Variants in TCAF1 observed in about 807,000 individuals in gnomAD.
TCAF1 encodes the protein TRPM8 channel associated factor 1, also known as TRPM8 channel-associated factor 1.
A neutral mutation model predicts 27.3 loss-of-function variants in TCAF1; 4 were observed. The ratio of observed to expected loss-of-function variants is 0.15; its 90% confidence interval spans 0.07 to 0.34. The LOEUF (loss-of-function observed/expected upper bound fraction) is 0.34, where lower values mean the gene tolerates loss of function less well. TCAF1 is among the 10% of genes least tolerant of loss of function. The pLI, the probability that TCAF1 is intolerant of heterozygous loss-of-function variation, is 1.00. For missense variants in TCAF1, 257 were observed against 425.8 expected, an observed-to-expected ratio of 0.60 and a Z score of 3.49; for synonymous variants, 105 against 167.1, an observed-to-expected ratio of 0.63 and a Z score of 2.87.
At chr7:143,892,832 T>C (rs1337955460) in intron 1 of TCAF1, among the ~76,000 whole-genome samples, 2 of 152,126 alleles carry the variant, frequency 1.3e-5, no homozygotes. Flanking sequence ...CTCTTGGCCA[T>C]GTGAAAATAC....
chr7:143,897,580 G>T (rs950359808), intron 1 of TCAF1, among the ~76,000 whole-genome samples: 1 of 151,870 alleles, frequency 6.6e-6, no homozygotes, highest in South Asian at 2.1e-4. Context: ...CTGCTCCATT[G>T]TTCAATGGTC....
At chr7:143,892,642 A>C (rs1813695952) in intron 1 of TCAF1, among the ~76,000 whole-genome samples, 3 of 151,030 alleles carry the variant, frequency 2.0e-5, no homozygotes, top group Admixed American at 2.0e-4. Flanking sequence ...TAAACCCAAT[A>C]TTTATAGATT....
chr7:143,896,455 T>A (rs904814523), intron 1 of TCAF1, among the ~76,000 whole-genome samples: 1 of 152,078 alleles, frequency 6.6e-6, no homozygotes, highest in African/African-American at 2.4e-5. Context: ...GTTAAAGATA[T>A]GTAAGATTGG....
intron 1 of TCAF1, among the ~76,000 whole-genome samples, chr7:143,877,713 T>C (rs779899251): frequency 6.6e-6 from 1 of 152,236 alleles, no homozygotes; most frequent in Non-Finnish European, 1.5e-5. Flanking sequence ...GGTCAGGTCA[T>C]GCAGGTTGTC....
At chr7:143,860,000 T>C (rs1281702029) in intron 6 of TCAF1, among the ~76,000 whole-genome samples, 1 of 12,450 alleles carries the variant, frequency 8.0e-5, no homozygotes, top group East Asian at 3.4e-3. Flanking sequence ...ATATATTATA[T>C]AATATATATA....
intron 2 of TCAF1, among the ~76,000 whole-genome samples, chr7:143,875,399 A>G (rs1037206361): frequency 2.0e-5 from 3 of 152,114 alleles, no homozygotes; most frequent in African/African-American, 4.8e-5. Context: ...GTACACTCCA[A>G]AAACTTTCAG....
At chr7:143,888,414 A>C (rs1813511732) in intron 1 of TCAF1, among the ~76,000 whole-genome samples, 1 of 152,196 alleles carries the variant, frequency 6.6e-6, no homozygotes, top group African/African-American at 2.4e-5. Flanking sequence ...TAAAAATGAC[A>C]TCCCAGCACA....
At chr7:143,895,739 G>A (rs897497340) in intron 1 of TCAF1, among the ~76,000 whole-genome samples, 5 of 151,478 alleles carry the variant, frequency 3.3e-5, no homozygotes, top group African/African-American at 1.2e-4. Context: ...TACTTGCGGG[G>A]TAAGAGACAA....
chr7:143,876,701 G>A, intron 1 of TCAF1, 79 bp from the exon 2 acceptor site: 3 of 1,152,868 alleles, frequency 2.6e-6, no homozygotes, highest in Non-Finnish European at 3.5e-6. Flanking sequence ...CACTCTTCCA[G>A]TAGCTGGGCT....
In TCAF1 at chr7:143,901,973, C is replaced by T. The variant is rs966226862; in HGVS notation, c.-27G>A. ...CCCGGACACTAACCCGGGGCCCAGG[C>T]CTCGGTCACCGCGGGCCTCTCCTGG... On this transcript the variant is annotated 5_prime_UTR_variant, in exon 1 of 9. Coordinates refer to ENST00000479870, the MANE Select transcript of TCAF1 (RefSeq NM_014719.3). 1 of 152,328 alleles carries T rather than the reference C, an allele frequency of 6.6e-6. No homozygotes were observed. Among genetic ancestry groups the T allele is most frequent in the African/African-American group, 2.4e-5 (1 of 41,448 alleles). The allele number at this position is 152,328 out of a possible 1,614,324, so 9.4% of individuals were successfully genotyped here.
chr7:143,877,156 G>A (rs1013695746), intron 1 of TCAF1, among the ~76,000 whole-genome samples: 9 of 152,162 alleles, frequency 5.9e-5, no homozygotes, highest in East Asian at 1.9e-4. Flanking sequence ...GTGAGAGGCC[G>A]GGAACAGATT....
intron 1 of TCAF1, among the ~76,000 whole-genome samples, chr7:143,894,705 A>G (rs1813793745): frequency 6.6e-6 from 1 of 151,782 alleles, no homozygotes; most frequent in African/African-American, 2.4e-5. Context: ...TTTATTAACA[A>G]TAAAAATTAG....
At chr7:143,867,542 GTAT>G in intron 2 of TCAF1, among the ~76,000 whole-genome samples, 1 of 151,124 alleles carries the variant, frequency 6.6e-6, no homozygotes, top group Non-Finnish European at 1.5e-5. Flanking sequence ...TCAGATATAA[GTAT>G]TGCAAATATT....
In TCAF1 at chr7:143,876,585, G is replaced by C. The variant is rs202124004; in HGVS notation, c.24C>G (p.Phe8Leu). 1 of 1,515,918 alleles carries C rather than the reference G, an allele frequency of 6.6e-7. No homozygotes were observed. The highest frequency in any genetic ancestry group is 2.2e-5 in the Admixed American group (1 of 44,736). The allele number at this position is 1,515,918 out of a possible 1,614,324, so 93.9% of individuals were successfully genotyped here. A position where few individuals can be genotyped will look rare whatever the true frequency, so the allele number is the denominator to read the frequency against. ...TTGTCACACCATTCATAAGGGCCTC[G>C]AAGGCAGCAGAGGGAGTCGCCATGG... MATPSAA[F>L]EALMNGVTSW... Residue 8 changes from phenylalanine to leucine, a missense_variant, in exon 2 of 9, where the codon TTC becomes TTG. Transcript: ENST00000479870.
chr7:143,875,894 AGC>A, intron 2 of TCAF1, 93 bp downstream of exon 2: 1 of 1,101,070 alleles, frequency 9.1e-7, no homozygotes, highest in Non-Finnish European at 1.3e-6. Flanking sequence ...AGTGCCTGGG[AGC>A]ACTCTTCTGT....
At chr7:143,878,851 C>G (rs1812860333) in intron 1 of TCAF1, among the ~76,000 whole-genome samples, 1 of 152,170 alleles carries the variant, frequency 6.6e-6, no homozygotes, top group African/African-American at 2.4e-5. Flanking sequence ...TGCCATTAAC[C>G]TAGTTTAGGT....
chr7:143,898,222 G>GT (rs1394749715), intron 1 of TCAF1, among the ~76,000 whole-genome samples: 1 of 152,070 alleles, frequency 6.6e-6, no homozygotes, highest in Admixed American at 6.5e-5. Context: ...CATTTACAAA[G>GT]TAACTATAGC....
At position 143,851,913 on chromosome 7, in the gene TCAF1, T is replaced by G. The variant is rs1028077807; in HGVS notation, c.*2220A>C. ...TTGTCAGCATTAATTACTTTCAACTTCAGTTCTGAATAAAAAATGAAACCT... is the reference window on the plus strand; with the variant it reads ...TTGTCAGCATTAATTACTTTCAACTGCAGTTCTGAATAAAAAATGAAACCT... On this transcript the variant is annotated 3_prime_UTR_variant, in exon 9 of 9. Transcript: ENST00000479870. 6.6e-6 allele frequency: 1 copy of G among 152,196 alleles called. No homozygotes were observed. Among genetic ancestry groups the G allele is most frequent in the African/African-American group, 2.4e-5 (1 of 41,404 alleles). 9.4% of individuals were successfully genotyped at this position (152,196 alleles called of 1,614,324 possible).
Position 143,857,291 on chromosome 7 carries a change from CTGGT to C in TCAF1, c.2561_2564del (p.Asn854ArgfsTer12). ...CAACATTTTCTGTGGGCAAGTTGGT[CTGGT>C]TCCTGTACTCGGTGAAGAGACGGAT... On this transcript the variant is annotated frameshift_variant, in exon 8 of 9. Transcript: ENST00000479870. LOFTEE classifies it high-confidence loss of function. The C allele has an allele frequency of 1.1e-6, 1 of 941,912 alleles. No homozygotes were observed. The highest frequency in any genetic ancestry group is 1.7e-6 in the Non-Finnish European group (1 of 595,350). The allele number at this position is 941,912 out of a possible 1,614,324, so 58.3% of individuals were successfully genotyped here.
Sources: gnomAD v4.1 joint callset for allele counts (sites outside exome capture counted in the v4.1 genomes callset) on GRCh38, gnomAD v4.1.1 for gene constraint, MANE v1.5 for transcripts, NCBI Gene and HGNC (gene_info 2026-07-23, HGNC 2026-07-21) for gene names.